Variants in SCHIP1 observed in about 807,000 individuals in gnomAD.
The protein encoded by SCHIP1 is schwannomin interacting protein 1.
A neutral mutation model predicts 29.7 loss-of-function variants in SCHIP1; 8 were observed. That is an observed-to-expected ratio of 0.27 (90% CI 0.16 to 0.49). The LOEUF (loss-of-function observed/expected upper bound fraction) is 0.49, where lower values mean the gene tolerates loss of function less well. Among genes scored for constraint, SCHIP1 ranks in the 20% least tolerant of loss-of-function variants. SCHIP1 has a pLI of 0.99. For missense variants in SCHIP1, 193 were observed against 294.6 expected, an observed-to-expected ratio of 0.66 and a Z score of 2.52; for synonymous variants, 76 against 94.9, an observed-to-expected ratio of 0.80 and a Z score of 1.16.
At chr3:159,337,378 A>C in the SCHIP1 span, among the ~76,000 whole-genome samples, 1 of 152,204 alleles carries the variant, frequency 6.6e-6, no homozygotes, top group Non-Finnish European at 1.5e-5. Context: ...AATAAAGCAC[A>C]TTCAATTAGG....
the SCHIP1 span, among the ~76,000 whole-genome samples, chr3:159,743,835 C>T: frequency 6.6e-6 from 1 of 152,110 alleles, no homozygotes; most frequent in African/African-American, 2.4e-5. Context: ...GGGTAAAGGG[C>T]ACAAGGGATT....
At chr3:159,509,677 A>T in the SCHIP1 span, among the ~76,000 whole-genome samples, 3 of 152,064 alleles carry the variant, frequency 2.0e-5, no homozygotes, top group Non-Finnish European at 2.9e-5. Context: ...TGACAAAATC[A>T]CTCAGCATTT....
the SCHIP1 span, among the ~76,000 whole-genome samples, chr3:159,565,574 A>C: frequency 6.6e-6 from 1 of 152,172 alleles, no homozygotes; most frequent in African/African-American, 2.4e-5. Flanking sequence ...ACAGTTATGG[A>C]TACAGGATGG....
the SCHIP1 span, among the ~76,000 whole-genome samples, chr3:159,728,192 A>G: frequency 6.6e-6 from 1 of 152,160 alleles, no homozygotes; most frequent in African/African-American, 2.4e-5. Flanking sequence ...ACCTCTTAGA[A>G]GGAAGTGGAT....
chr3:159,582,466 T>G, the SCHIP1 span, among the ~76,000 whole-genome samples: 1 of 152,292 alleles, frequency 6.6e-6, no homozygotes, highest in African/African-American at 2.4e-5. Flanking sequence ...CCCAGCCATC[T>G]GAAGGCTCGG....
the SCHIP1 span, among the ~76,000 whole-genome samples, chr3:159,749,065 A>C: frequency 6.6e-6 from 1 of 152,176 alleles, no homozygotes; most frequent in Non-Finnish European, 1.5e-5. Flanking sequence ...TGAACTCAGG[A>C]GTTCAAGACC....
the SCHIP1 span, among the ~76,000 whole-genome samples, chr3:159,328,087 A>G: frequency 6.6e-6 from 1 of 152,222 alleles, no homozygotes; most frequent in African/African-American, 2.4e-5. Flanking sequence ...ACCATCCAAC[A>G]TAGTAGTCAT....
At chr3:159,667,445 T>G in the SCHIP1 span, among the ~76,000 whole-genome samples, 1 of 152,216 alleles carries the variant, frequency 6.6e-6, no homozygotes. Context: ...GTACGTGTTG[T>G]GGGTTCTTGA....
the SCHIP1 span, among the ~76,000 whole-genome samples, chr3:159,531,858 A>G: frequency 6.6e-6 from 1 of 152,206 alleles, no homozygotes; most frequent in Non-Finnish European, 1.5e-5. Flanking sequence ...TTAATGAGCA[A>G]AAGCCTCATA....
the SCHIP1 span, among the ~76,000 whole-genome samples, chr3:159,457,239 T>C: frequency 6.6e-6 from 1 of 152,208 alleles, no homozygotes; most frequent in African/African-American, 2.4e-5. Flanking sequence ...GCTCATCTAA[T>C]TGAAGATCAT....
chr3:159,396,149 C>CT, the SCHIP1 span, among the ~76,000 whole-genome samples: 5 of 141,452 alleles, frequency 3.5e-5, no homozygotes, highest in African/African-American at 7.8e-5. Context: ...CAACCCCTGC[C>CT]TTTTTTTGTT....
the SCHIP1 span, among the ~76,000 whole-genome samples, chr3:159,423,471 A>T: frequency 1.3e-5 from 2 of 152,214 alleles, no homozygotes; most frequent in Admixed American, 6.5e-5. Context: ...CAGAAGTCTG[A>T]CATCAAACTG....
At chr3:159,671,666 G>A in the SCHIP1 span, among the ~76,000 whole-genome samples, 4 of 152,142 alleles carry the variant, frequency 2.6e-5, no homozygotes, top group African/African-American at 4.8e-5. Context: ...AGATGCCTAA[G>A]CTGTCTTCTG....
chr3:159,392,799 A>G, the SCHIP1 span, among the ~76,000 whole-genome samples: 1 of 152,150 alleles, frequency 6.6e-6, no homozygotes. Context: ...TTATAGCAGC[A>G]TGATTTGTAG....
chr3:159,684,723 G>A, the SCHIP1 span, among the ~76,000 whole-genome samples: 3 of 150,488 alleles, frequency 2.0e-5, no homozygotes, highest in African/African-American at 7.4e-5. Flanking sequence ...AGAATTGCTT[G>A]AACCCAGGAG....
the SCHIP1 span, among the ~76,000 whole-genome samples, chr3:159,659,028 T>C: frequency 6.6e-6 from 1 of 152,214 alleles, no homozygotes; most frequent in Non-Finnish European, 1.5e-5. Context: ...TCTCACTTAA[T>C]GAATATTAGT....
chr3:159,707,367 T>A, the SCHIP1 span, among the ~76,000 whole-genome samples: 1 of 152,218 alleles, frequency 6.6e-6, no homozygotes, highest in Admixed American at 6.5e-5. Context: ...CTCTCAGCAC[T>A]TAAGAGTTCT....
At chr3:159,626,101 GATA>G in the SCHIP1 span, among the ~76,000 whole-genome samples, 2 of 108,348 alleles carry the variant, frequency 1.8e-5, no homozygotes, top group Non-Finnish European at 3.3e-5. Context: ...TAGATAGATA[GATA>G]GATAGATAGA....
chr3:159,492,656 A>T, the SCHIP1 span, among the ~76,000 whole-genome samples: 2 of 152,236 alleles, frequency 1.3e-5, no homozygotes, highest in African/African-American at 4.8e-5. Context: ...GGGAGAATGG[A>T]ACCAAGTTGG....
Sources: allele counts gnomAD v4.1 joint callset (sites outside exome capture counted in the v4.1 genomes callset), GRCh38; gene constraint gnomAD v4.1.1; transcripts MANE v1.5; gene names NCBI Gene and HGNC (gene_info 2026-07-23, HGNC 2026-07-21).